The following TPRG1 variants were observed in gnomAD, a reference collection of about 807,000 sequenced individuals.
TPRG1 encodes the protein tumor protein p63-regulated gene 1 protein.
A neutral mutation model predicts 29.3 loss-of-function variants in TPRG1; 29 were observed. That is an observed-to-expected ratio of 0.99 (90% CI 0.74 to 1.35). TPRG1 has a LOEUF of 1.35. TPRG1 is among the 40% of genes most tolerant of loss of function. TPRG1 has a pLI of 0.00. For missense variants in TPRG1, 327 were observed against 335.0 expected (o/e 0.98, Z 0.19); for synonymous variants, 130 against 116.8 (o/e 1.11, Z -0.73).
chr3:189,046,435 C>CAG, intron 4 of TPRG1, among the ~76,000 whole-genome samples: 1 of 152,118 alleles, frequency 6.6e-6, no homozygotes, highest in Non-Finnish European at 1.5e-5. Context: ...GAGCTAACGG[C>CAG]TATTTCTTTG....
At chr3:189,037,654 A>G (rs1385480564) in intron 4 of TPRG1, among the ~76,000 whole-genome samples, 1 of 151,882 alleles carries the variant, frequency 6.6e-6, no homozygotes, top group African/African-American at 2.4e-5. Context: ...ACAATGAGAT[A>G]TCACTGCTGG....
rs375545565 is a variant in TPRG1, at chr3:189,023,218, G to A, written c.-659-532G>A. 2.3e-3 allele frequency among the ~76,000 whole-genome samples: 355 copies of A among 152,276 alleles called. 2 individuals carry two copies. The highest frequency in any genetic ancestry group is 8.3e-3 in the South Asian group (40 of 4,824). On this transcript the variant is annotated intron_variant, in intron 3 of 10. Coordinates refer to the TPRG1 transcript ENST00000433971. ...TCGCTCACGCTGGGAGCTGCAGACCGGAGCTGTTCCTATTCGGCCATCTTG... is the reference window on the plus strand; with the variant it reads ...TCGCTCACGCTGGGAGCTGCAGACCAGAGCTGTTCCTATTCGGCCATCTTG...
chr3:189,141,796 T>C (rs1724603980), intron 3 of TPRG1, among the ~76,000 whole-genome samples: 1 of 152,228 alleles, frequency 6.6e-6, no homozygotes, highest in South Asian at 2.1e-4. Context: ...TACACTATAT[T>C]TTTTATTGAT....
At chr3:189,118,407 T>A (rs1055157793) in intron 1 of TPRG1, among the ~76,000 whole-genome samples, 2 of 152,134 alleles carry the variant, frequency 1.3e-5, no homozygotes, top group Non-Finnish European at 2.9e-5. Flanking sequence ...GAAAACCCCA[T>A]TTTCTGGGGA....
chr3:189,021,332 G>T (rs1713294399), intron 3 of TPRG1, among the ~76,000 whole-genome samples: 1 of 151,640 alleles, frequency 6.6e-6, no homozygotes, highest in East Asian at 1.9e-4. Flanking sequence ...AGTCTCGATG[G>T]TCTTTACATT....
chr3:189,022,260 T>C (rs1713361925), intron 3 of TPRG1, among the ~76,000 whole-genome samples: 1 of 151,510 alleles, frequency 6.6e-6, no homozygotes, highest in Non-Finnish European at 1.5e-5. Context: ...TCCAGCTTTG[T>C]TCCGTTGCTG....
At chr3:189,284,150 T>A (rs1439864070) in intron 4 of TPRG1, among the ~76,000 whole-genome samples, 1 of 152,132 alleles carries the variant, frequency 6.6e-6, no homozygotes, top group African/African-American at 2.4e-5. Flanking sequence ...CATTTTCTGC[T>A]TGCATCCCTC....
intron 4 of TPRG1, among the ~76,000 whole-genome samples, chr3:189,273,170 T>C (rs1210994782): frequency 6.6e-6 from 1 of 152,222 alleles, no homozygotes; most frequent in East Asian, 1.9e-4. Context: ...TCTGTAGCTA[T>C]ACAGAATCAA....
intron 4 of TPRG1, among the ~76,000 whole-genome samples, chr3:189,043,508 C>G (rs1486376447): frequency 6.6e-6 from 1 of 152,130 alleles, no homozygotes; most frequent in African/African-American, 2.4e-5. Flanking sequence ...ATTAAGTGTT[C>G]TCTTTATTTT....
intron 4 of TPRG1, among the ~76,000 whole-genome samples, chr3:189,049,951 G>A (rs112550604): frequency 1.3e-5 from 2 of 152,010 alleles, no homozygotes; most frequent in African/African-American, 4.8e-5. Flanking sequence ...AGGAAAGTTC[G>A]TAGCCCTAAA....
At chr3:189,008,085 G>GA (rs34598292) in intron 3 of TPRG1, among the ~76,000 whole-genome samples, 8,378 of 146,866 alleles carry the variant, frequency 0.057, 802 homozygotes, top group African/African-American at 0.2. Flanking sequence ...AAACGTTCTA[G>GA]AAAAAAAAAA....
chr3:189,090,894 G>A (rs544111065), intron 4 of TPRG1, among the ~76,000 whole-genome samples: 1 of 152,108 alleles, frequency 6.6e-6, no homozygotes, highest in Admixed American at 6.5e-5. Flanking sequence ...TTTTGCAATT[G>A]TTTCATGCAT....
At chr3:189,196,019 A>G (rs1449005019) in intron 1 of TPRG1, among the ~76,000 whole-genome samples, 2 of 152,176 alleles carry the variant, frequency 1.3e-5, no homozygotes, top group Non-Finnish European at 2.9e-5. Context: ...CATCTTGCTG[A>G]CATCACCTCT....
chr3:189,270,644 C>T (rs758775206), intron 4 of TPRG1, among the ~76,000 whole-genome samples: 15 of 152,324 alleles, frequency 9.8e-5, no homozygotes, highest in Middle Eastern at 3.4e-3. Context: ...AATACAGTAG[C>T]CACTACAATG....
intron 4 of TPRG1, among the ~76,000 whole-genome samples, chr3:189,053,431 C>T (rs1404887590): frequency 6.6e-6 from 1 of 152,102 alleles, no homozygotes; most frequent in Non-Finnish European, 1.5e-5. Context: ...CTCAGGAAAC[C>T]AAACATTTGG....
rs143427607 is a variant in TPRG1 at position 189,086,746 on chromosome 3, C to T, written c.-462-40311C>T. 7.5e-4 allele frequency among the ~76,000 whole-genome samples: 114 copies of T among 152,102 alleles called. 1 individual carries two copies. The highest frequency in any genetic ancestry group is 2.7e-3 in the African/African-American group (111 of 41,514). The stretch of plus-strand genomic sequence containing the variant: ...GTTTCTCCATGTTGGTCAGGCTGGT[C>T]GAACTCCTGGAGGAGTTTTTTTGTT... On this transcript the variant is annotated intron_variant, in intron 4 of 10. Coordinates refer to the TPRG1 transcript ENST00000433971.
intron 4 of TPRG1, among the ~76,000 whole-genome samples, chr3:189,253,977 C>T (rs1004652861): frequency 6.6e-6 from 1 of 151,836 alleles, no homozygotes; most frequent in African/African-American, 2.4e-5. Context: ...GTTTAAAGTC[C>T]TTGTAGATTC....
At chr3:189,305,446 C>T (rs1721478111) in intron 4 of TPRG1, among the ~76,000 whole-genome samples, 1 of 152,116 alleles carries the variant, frequency 6.6e-6, no homozygotes. Context: ...GTTGTTAAGC[C>T]ATATTTGTTT....
chr3:189,261,516 A>G (rs1447608175), intron 4 of TPRG1, among the ~76,000 whole-genome samples: 3 of 152,192 alleles, frequency 2.0e-5, no homozygotes, highest in Non-Finnish European at 4.4e-5. Flanking sequence ...CTTTCTAAGC[A>G]GTAATTTGAT....
Sources: allele counts gnomAD v4.1 joint callset (sites outside exome capture counted in the v4.1 genomes callset), GRCh38; gene constraint gnomAD v4.1.1; transcripts MANE v1.5; gene names NCBI Gene and HGNC (gene_info 2026-07-23, HGNC 2026-07-21).